DNAH7: variants seen among roughly 807,000 people sequenced by gnomAD.
DNAH7 encodes axonemal beta dynein heavy chain 7.
A neutral mutation model predicts 444.6 loss-of-function variants in DNAH7; 397 were observed. The observed-to-expected ratio is 0.89, with a 90% CI of 0.82 to 0.97. DNAH7 has a LOEUF of 0.97. Among genes scored for constraint, DNAH7 ranks in the 50% least tolerant of loss-of-function variants. DNAH7 has a pLI of 0.00. For missense variants in DNAH7, 4,902 were observed against 4,800.8 expected (o/e 1.02, Z -0.62); for synonymous variants, 1,636 against 1,624.4 (o/e 1.01, Z -0.17).
intron 56 of DNAH7, among the ~76,000 whole-genome samples, chr2:195,795,594 A>G (rs1696095533): frequency 6.6e-6 from 1 of 152,244 alleles, no homozygotes; most frequent in Non-Finnish European, 1.5e-5. Flanking sequence ...TGGCCTGAGA[A>G]GAAACTTGAG....
At chr2:196,041,875 T>A (rs545722986) in intron 5 of DNAH7, among the ~76,000 whole-genome samples, 15 of 151,754 alleles carry the variant, frequency 9.9e-5, no homozygotes, top group African/African-American at 3.6e-4. Flanking sequence ...ATAATAATAA[T>A]AATAATTTGA....
At position 195,816,805 on chromosome 2, in the gene DNAH7, T is replaced by A. The variant is rs1348075154; in HGVS notation, c.9584A>T (p.Lys3195Met). 1 of 1,614,154 alleles carries A rather than the reference T, an allele frequency of 6.2e-7. No individual in the cohort carries two copies. The highest frequency in any genetic ancestry group is 1.3e-5 in the African/African-American group (1 of 75,070). Reference sequence around the variant, plus strand: ...ATAGCCCATGCGGGTGGTGTCAATCTTTTTCTCTGTCTCTTCGGCTACTTC... The same window carrying A: ...ATAGCCCATGCGGGTGGTGTCAATCATTTTCTCTGTCTCTTCGGCTACTTC... Reference protein sequence around the residue: ...KQEVAEETEKKIDTTRMGYRP... With the variant: ...KQEVAEETEKMIDTTRMGYRP... The change falls in exon 51 of 65, where the codon AAG becomes ATG. Residue 3195 changes from lysine (K) to methionine (M), a missense_variant. Lys to Met is a moderately conservative substitution (Grantham distance 95, BLOSUM62 -1). Coordinates refer to ENST00000312428, the MANE Select transcript of DNAH7 (RefSeq NM_018897.3).
At chr2:196,037,794 T>C (rs941946204) in intron 5 of DNAH7, among the ~76,000 whole-genome samples, 1 of 152,100 alleles carries the variant, frequency 6.6e-6, no homozygotes, top group Admixed American at 6.6e-5. Context: ...GGAGAAAAGA[T>C]GGGGAAAAGC....
In DNAH7 at chr2:195,970,066, A is replaced by G; in HGVS notation, c.2087T>C (p.Leu696Ser). The G allele has an allele frequency of 6.2e-7, 1 of 1,611,998 alleles. No individual in the cohort carries two copies. Among genetic ancestry groups the G allele is most frequent in the Non-Finnish European group, 8.5e-7 (1 of 1,179,340 alleles). ...TTCTGATTGCTTAGCATAACTCTCC[A>G]ATTCCTCCACAAACCGTTCACACCG... ...KLRCERFVEE[L>S]ESYAKQSEEF... The change falls in exon 17 of 65, where the codon TTG (leucine) becomes TCG (serine). Residue 696 changes from leucine to serine, a missense_variant. By Grantham distance (145) the Leu-to-Ser change is moderately radical (BLOSUM62 -2). Coordinates refer to ENST00000312428, the MANE Select transcript of DNAH7 (RefSeq NM_018897.3).
intron 16 of DNAH7, among the ~76,000 whole-genome samples, chr2:195,970,882 G>A (rs1163069615): frequency 1.3e-5 from 2 of 152,126 alleles, no homozygotes; most frequent in South Asian, 2.1e-4. Context: ...TAGCCCAGTC[G>A]GGGAGGGAAA....
At chr2:195,875,570 T>C (rs1008480523) in intron 38 of DNAH7, 105 bp downstream of exon 38, 17 of 1,069,572 alleles carry the variant, frequency 1.6e-5, no homozygotes, top group Admixed American at 5.7e-5. Context: ...AGAAAACATA[T>C]ACACAAAACA....
At position 195,971,501 on chromosome 2, in the gene DNAH7, C is replaced by T. The variant is rs377332024; in HGVS notation, c.2058+741G>A. Among the ~76,000 whole-genome samples the T allele has an allele frequency of 9.9e-4, 150 of 152,166 alleles. 1 individual carries two copies. Among genetic ancestry groups the T allele is most frequent in the Middle Eastern group, 6.8e-3 (2 of 294 alleles). On this transcript the variant is annotated intron_variant, in intron 16 of 64. Transcript: ENST00000312428. ...GATAGAGATGTGGTCAAAGTGAGAG[C>T]ACAGGAGAGAACAAGTAGCACTGAG...
chr2:195,801,905 T>C (rs1347595425), intron 54 of DNAH7, among the ~76,000 whole-genome samples: 1 of 152,132 alleles, frequency 6.6e-6, no homozygotes, highest in Non-Finnish European at 1.5e-5. Context: ...CCTCCCAATA[T>C]TTCTCTAGAT....
chr2:195,750,617 G>C (rs1384332665), intron 63 of DNAH7, among the ~76,000 whole-genome samples: 1 of 152,202 alleles, frequency 6.6e-6, no homozygotes, highest in South Asian at 2.1e-4. Context: ...ATGAGAGCCA[G>C]ATGGCCTGGG....
chr2:195,956,573 C>T (rs955235211), intron 19 of DNAH7, among the ~76,000 whole-genome samples: 1 of 151,810 alleles, frequency 6.6e-6, no homozygotes, highest in Non-Finnish European at 1.5e-5. Context: ...ATCACTTGAG[C>T]CTGGGAGGCA....
In DNAH7 at chr2:196,051,211, T is replaced by C. The variant is rs1160016720; in HGVS notation, c.117A>G (p.Ala39=). ...LASKEKFKAP[A]RALPQLSMVS... ...CCATAGACAGCTGTGGTAAAGCTCT[T>C]GCTGGTGCCTTGAACTTTTCTTTGC... The change falls in exon 3 of 65, where the codon GCA becomes GCG. Residue 39 remains alanine, a synonymous_variant. Coordinates refer to ENST00000312428, the MANE Select transcript of DNAH7 (RefSeq NM_018897.3). 22 of 1,614,018 alleles carry C rather than the reference T, an allele frequency of 1.4e-5. No individual in the cohort carries two copies. Among genetic ancestry groups the C allele is most frequent in the Non-Finnish European group, 1.9e-5 (22 of 1,179,926 alleles).
At position 196,026,813 on chromosome 2, in the gene DNAH7, G is replaced by A. The variant is rs557548192; in HGVS notation, c.614C>T (p.Thr205Ile). The change falls in exon 7 of 65, where the codon ACA (threonine) becomes ATA (isoleucine). Residue 205 changes from threonine (T) to isoleucine (I), a missense_variant. By Grantham distance (89) the Thr-to-Ile change is moderately conservative. Coordinates refer to ENST00000312428, the MANE Select transcript of DNAH7 (RefSeq NM_018897.3). Reference protein sequence around the residue: ...HLKVFTDSIVTLSDEMREDYL... With the variant: ...HLKVFTDSIVILSDEMREDYL... Reference sequence around the variant, plus strand: ...ATCCTCTCTCATTTCATCAGATAATGTAACTATGCTGTCAGTGAAGACTTT... The same window carrying A: ...ATCCTCTCTCATTTCATCAGATAATATAACTATGCTGTCAGTGAAGACTTT... The A allele has an allele frequency of 6.2e-7, 1 of 1,612,560 alleles. No individual in the cohort carries two copies. Among genetic ancestry groups the A allele is most frequent in the Non-Finnish European group, 8.5e-7 (1 of 1,178,962 alleles).
chr2:195,932,052 T>A (rs1333556310), intron 21 of DNAH7, among the ~76,000 whole-genome samples: 1 of 152,230 alleles, frequency 6.6e-6, no homozygotes, highest in Non-Finnish European at 1.5e-5. Flanking sequence ...TTCCTACCCA[T>A]GAGCATGGAA....
At chr2:195,757,556 A>G (rs1157398846) in intron 61 of DNAH7, among the ~76,000 whole-genome samples, 3 of 152,238 alleles carry the variant, frequency 2.0e-5, no homozygotes, top group Admixed American at 1.3e-4. Flanking sequence ...TTCATTTGCC[A>G]TCTTCTCAAA....
At position 195,806,773 on chromosome 2, in the gene DNAH7, C is replaced by G. The variant is rs373655060; in HGVS notation, c.10143G>C (p.Arg3381Ser). 3.1e-6 allele frequency: 5 copies of G among 1,613,492 alleles called. No homozygotes were observed. Among genetic ancestry groups the G allele is most frequent in the Non-Finnish European group, 4.2e-6 (5 of 1,179,728 alleles). Residue 3381 changes from arginine to serine, a missense_variant, in exon 54 of 65, where the codon AGG becomes AGC. Transcript: ENST00000312428. ...GCCTCAAGCAACGAATAATAAGCAT[C>G]CTTTGAAACTCATTTGCTTTATCTT... ...EWEDKANEFQ[R>S]MLIIRCLRPD...
chr2:195,845,335 T>C (rs954176304), intron 46 of DNAH7, among the ~76,000 whole-genome samples, 170 bp from the exon 47 acceptor site: 1 of 152,168 alleles, frequency 6.6e-6, no homozygotes, highest in Admixed American at 6.5e-5. Context: ...AAATTTTAAT[T>C]GAGAAGGTCA....
At chr2:196,056,369 C>T (rs1419836813) in intron 2 of DNAH7, among the ~76,000 whole-genome samples, 9 of 149,036 alleles carry the variant, frequency 6.0e-5, no homozygotes, top group Non-Finnish European at 7.4e-5. Context: ...TGCTTGAGCC[C>T]GGGAGGCGGA....
intron 17 of DNAH7, among the ~76,000 whole-genome samples, chr2:195,962,477 G>A (rs1691176629): frequency 6.6e-6 from 1 of 152,134 alleles, no homozygotes; most frequent in East Asian, 1.9e-4. Flanking sequence ...AGCCTCCCAA[G>A]TAGCTGGGAC....
intron 54 of DNAH7, among the ~76,000 whole-genome samples, chr2:195,802,500 CAA>C (rs978798695): frequency 6.6e-6 from 1 of 151,902 alleles, no homozygotes; most frequent in Non-Finnish European, 1.5e-5. Flanking sequence ...AACTCCATCT[CAA>C]AAAAATTTTT....
Sources: gnomAD v4.1 joint callset for allele counts (sites outside exome capture counted in the v4.1 genomes callset) on GRCh38, gnomAD v4.1.1 for gene constraint, MANE v1.5 for transcripts, NCBI Gene and HGNC (gene_info 2026-07-23, HGNC 2026-07-21) for gene names.